The following IFNGR2 variants were observed in gnomAD, a reference collection of about 807,000 sequenced individuals.
IFNGR2 encodes interferon gamma receptor 2.
A neutral mutation model predicts 41.1 loss-of-function variants in IFNGR2; 15 were observed. The ratio of observed to expected loss-of-function variants is 0.37; its 90% CI spans 0.24 to 0.56. The LOEUF (loss-of-function observed/expected upper bound fraction) is 0.56. Ranked by LOEUF, IFNGR2 falls within the 20% of genes least tolerant of loss-of-function variation. The pLI is 0.81. For missense variants in IFNGR2, 362 were observed against 415.7 expected, an observed-to-expected ratio of 0.87 and a Z score of 1.12; for synonymous variants, 161 against 171.6, an observed-to-expected ratio of 0.94 and a Z score of 0.48.
chr21:33,429,601 T>C (rs8128483), intron 4 of IFNGR2, among the ~76,000 whole-genome samples: 41,842 of 152,080 alleles, frequency 0.28, 6,586 homozygotes, highest in East Asian at 0.67. Flanking sequence ...TACACTTCAT[T>C]GCTCCACCAG....
intron 6 of IFNGR2, among the ~76,000 whole-genome samples, chr21:33,433,928 G>C (rs1191816083): frequency 6.6e-6 from 1 of 152,072 alleles, no homozygotes; most frequent in Non-Finnish European, 1.5e-5. Context: ...GCTGGAGGAC[G>C]TGAAGGCGGT....
At chr21:33,404,248 G>T (rs544574764) in intron 1 of IFNGR2, among the ~76,000 whole-genome samples, 5 of 152,234 alleles carry the variant, frequency 3.3e-5, no homozygotes, top group Non-Finnish European at 7.3e-5. Flanking sequence ...GCAGGGACCA[G>T]CGTCTTGGAC....
At chr21:33,414,751 C>T in intron 1 of IFNGR2, 137 bp from the exon 2 acceptor site, 1 of 1,042,860 alleles carries the variant, frequency 9.6e-7, no homozygotes, top group Non-Finnish European at 1.4e-6. Flanking sequence ...CCAGGGGGAC[C>T]TGGTAATGCC....
intron 1 of IFNGR2, among the ~76,000 whole-genome samples, chr21:33,405,125 A>AAAAAGAGG (rs1288587705): frequency 1.3e-5 from 2 of 148,914 alleles, no homozygotes; most frequent in East Asian, 3.9e-4. Context: ...AAAAAAAAAG[A>AAAAAGAGG]AAAAGAGGAA....
intron 1 of IFNGR2, among the ~76,000 whole-genome samples, chr21:33,407,618 C>T (rs1228115687): frequency 3.3e-5 from 5 of 152,178 alleles, no homozygotes; most frequent in African/African-American, 7.2e-5. Flanking sequence ...GTTTTTGAGA[C>T]GGAGTCTCGC....
intron 1 of IFNGR2, chr21:33,411,034 G>T (rs2083711944): frequency 4.6e-6 from 3 of 657,576 alleles, no homozygotes; most frequent in Non-Finnish European, 5.5e-6. Context: ...CCCAAGGACA[G>T]GCCCCCTGGC....
chr21:33,404,638 A>G (rs1601063394), intron 1 of IFNGR2, among the ~76,000 whole-genome samples: 2 of 152,076 alleles, frequency 1.3e-5, no homozygotes, highest in South Asian at 2.1e-4. Flanking sequence ...TGTGTTGCCC[A>G]GGCTGTTCTT....
intron 1 of IFNGR2, 104 bp from the exon 2 acceptor site, chr21:33,414,784 T>G: frequency 7.4e-7 from 1 of 1,354,848 alleles, no homozygotes; most frequent in Non-Finnish European, 1.0e-6. Flanking sequence ...TGACAAAAAC[T>G]GAGTTGTATG....
chr21:33,432,916 T>TG, intron 6 of IFNGR2, 45 bp downstream of exon 6: 2 of 1,506,276 alleles, frequency 1.3e-6, no homozygotes, highest in Non-Finnish European at 1.8e-6. Context: ...GACAGGGTCT[T>TG]GCTCTGTTGC....
In IFNGR2 at chr21:33,403,608, C is replaced by A; in HGVS notation, c.65C>A (p.Ala22Asp). 2.9e-6 allele frequency: 4 copies of A among 1,366,770 alleles called. No individual in the cohort carries two copies. Among genetic ancestry groups the A allele is most frequent in the Non-Finnish European group, 3.8e-6 (4 of 1,057,754 alleles). 84.7% of individuals were successfully genotyped at this position (1,366,770 alleles called of 1,614,324 possible). ...GGAGTCTTCGCCGCCGCCGCCGCGGCCCCGCCAGGTGAGCCGGGCCTGGGC... is the reference window on the plus strand; with the variant it reads ...GGAGTCTTCGCCGCCGCCGCCGCGGACCCGCCAGGTGAGCCGGGCCTGGGC... ...LLGVFAAAAA[A>D]PPDPLSQLPA... is the part of the protein sequence containing the mutation. The change falls in exon 1 of 7, where the codon GCC becomes GAC. Residue 22 changes from alanine to aspartate, a missense_variant. Ala to Asp is a moderately radical substitution (Grantham distance 126). Transcript: ENST00000290219.
At chr21:33,434,239 C>T (rs1278318364) in intron 6 of IFNGR2, among the ~76,000 whole-genome samples, 2 of 152,000 alleles carry the variant, frequency 1.3e-5, no homozygotes, top group Non-Finnish European at 1.5e-5. Flanking sequence ...AAAGCATTTG[C>T]AGCCGGGCGC....
At chr21:33,414,233 C>A (rs904962879) in intron 1 of IFNGR2, among the ~76,000 whole-genome samples, 1 of 152,134 alleles carries the variant, frequency 6.6e-6, no homozygotes, top group Non-Finnish European at 1.5e-5. Context: ...TAACCAGCAC[C>A]CCTGTGATTG....
At chr21:33,423,134 G>C (rs1187906029) in intron 3 of IFNGR2, among the ~76,000 whole-genome samples, 1 of 144,166 alleles carries the variant, frequency 6.9e-6, no homozygotes, top group Non-Finnish European at 1.5e-5. Flanking sequence ...CCACCTCCCA[G>C]GTTCACGCCA....
chr21:33,425,059 A>AC (rs1555880955), intron 3 of IFNGR2, among the ~76,000 whole-genome samples: 1 of 152,100 alleles, frequency 6.6e-6, no homozygotes, highest in Non-Finnish European at 1.5e-5. Context: ...ACTGGCATGC[A>AC]CCACCATGCC....
chr21:33,436,747 TAAAAAC>T (rs2083957705), intron 6 of IFNGR2, 75 bp from the exon 7 acceptor site: 6 of 1,136,642 alleles, frequency 5.3e-6, no homozygotes, highest in African/African-American at 3.3e-5. Flanking sequence ...AAAAATAAAA[TAAAAAC>T]AAAAACTAAA....
rs17878711 is a variant in IFNGR2 at position 33,427,015 on chromosome 21, A to G, written c.544A>G (p.Lys182Glu). 1.9e-3 allele frequency: 3,022 copies of G among 1,611,806 alleles called. 49 individuals carry two copies. The African/African-American group carries it at 0.036, about 19-fold the overall frequency. Residue 182 changes from lysine (K) to glutamate (E), a missense_variant, in exon 4 of 7, where the codon AAA becomes GAA. Coordinates refer to ENST00000290219, the MANE Select transcript of IFNGR2 (RefSeq NM_005534.4). ...FFCYYVHYWE[K>E]GGIQQVKGPF... The stretch of plus-strand genomic sequence containing the variant: ...TTGTTATTATGTCCATTACTGGGAA[A>G]AAGGAGGAATCCAACAGGCAAGAGC...
chr21:33,404,356 C>G (rs180814565), intron 1 of IFNGR2, among the ~76,000 whole-genome samples: 1 of 152,334 alleles, frequency 6.6e-6, no homozygotes, highest in East Asian at 1.9e-4. Context: ...GGGGCAGCAG[C>G]ATTCAGGCAG....
chr21:33,434,053 T>A (rs2083918546), intron 6 of IFNGR2, among the ~76,000 whole-genome samples: 1 of 152,090 alleles, frequency 6.6e-6, no homozygotes, highest in Non-Finnish European at 1.5e-5. Context: ...CATTGCCCAG[T>A]GGGTATTGCT....
chr21:33,405,848 A>G (rs2123326139), intron 1 of IFNGR2, among the ~76,000 whole-genome samples: 1 of 151,514 alleles, frequency 6.6e-6, no homozygotes, highest in South Asian at 2.1e-4. Flanking sequence ...CTGGTCAACA[A>G]TGATGAAACC....
Sources: allele counts gnomAD v4.1 joint callset (sites outside exome capture counted in the v4.1 genomes callset), GRCh38; gene constraint gnomAD v4.1.1; transcripts MANE v1.5; gene names NCBI Gene and HGNC (gene_info 2026-07-23, HGNC 2026-07-21).